VIT: variants seen among roughly 807,000 people sequenced by gnomAD.
The protein encoded by VIT is vitrin.
Under a neutral mutation model 78.0 loss-of-function variants are expected in VIT, and 99 were observed. That is an observed-to-expected ratio of 1.27 (90% CI 1.08 to 1.50). The LOEUF is 1.50. VIT is among the 40% of genes most tolerant of loss of function. The probability of loss-of-function intolerance (pLI) is 0.00; values close to 1 mark genes in which losing one functional copy is unlikely to be tolerated. For synonymous variants in VIT, 374 were observed against 334.3 expected (o/e 1.12, Z -1.29); for missense variants, 1,126 against 875.3 (o/e 1.29, Z -3.61).
chr2:36,776,931 C>T (rs1362980319), intron 9 of VIT, among the ~76,000 whole-genome samples: 306 of 147,576 alleles, frequency 2.1e-3, no homozygotes, highest in African/African-American at 4.0e-3. Flanking sequence ...CTACTAAAAA[C>T]ACAAAAAATT....
chr2:36,720,339 CATTT>C (rs1171373919), intron 2 of VIT, among the ~76,000 whole-genome samples: 1 of 152,120 alleles, frequency 6.6e-6, no homozygotes, highest in Non-Finnish European at 1.5e-5. Context: ...GAAACCCACA[CATTT>C]ATAGTTAACT....
chr2:36,721,342 C>T (rs1380832896), intron 2 of VIT, among the ~76,000 whole-genome samples: 1 of 152,182 alleles, frequency 6.6e-6, no homozygotes, highest in Non-Finnish European at 1.5e-5. Flanking sequence ...CTTGCGTTCA[C>T]ATAGTCCCCT....
chr2:36,785,609 C>G (rs1279750639), intron 11 of VIT, among the ~76,000 whole-genome samples: 4 of 152,106 alleles, frequency 2.6e-5, no homozygotes, highest in Non-Finnish European at 5.9e-5. Context: ...ACAAGGGAAG[C>G]CAGTTGAAAA....
chr2:36,706,194 A>C (rs1432771407), intron 1 of VIT, among the ~76,000 whole-genome samples: 1 of 152,188 alleles, frequency 6.6e-6, no homozygotes, highest in African/African-American at 2.4e-5. Context: ...GCTTGGCTTC[A>C]GGGTTGGCGT....
intron 3 of VIT, among the ~76,000 whole-genome samples, chr2:36,736,747 T>G (rs150146814): frequency 2.0e-5 from 3 of 152,286 alleles, no homozygotes; most frequent in Admixed American, 1.3e-4. Flanking sequence ...CACTCAGAAG[T>G]AGGTTAGAGG....
intron 1 of VIT, among the ~76,000 whole-genome samples, chr2:36,715,178 AC>A (rs1248047791): frequency 6.6e-6 from 1 of 151,878 alleles, no homozygotes; most frequent in Non-Finnish European, 1.5e-5. Context: ...CTCTAGCACT[AC>A]CCCCCACCTA....
At chr2:36,812,861 CTT>C (rs5830441) in intron 15 of VIT, among the ~76,000 whole-genome samples, 118 of 110,238 alleles carry the variant, frequency 1.1e-3, no homozygotes, top group Admixed American at 1.4e-3. Flanking sequence ...TTTTCTTCTT[CTT>C]TTTTTTTTTT....
intron 15 of VIT, among the ~76,000 whole-genome samples, chr2:36,811,047 TC>T (rs1350246327): frequency 1.3e-5 from 2 of 152,200 alleles, no homozygotes; most frequent in Non-Finnish European, 2.9e-5. Flanking sequence ...GTTCCTAGAA[TC>T]CAAAGTAGCC....
At chr2:36,805,320 A>AC (rs1025387677) in intron 13 of VIT, 118 bp from the exon 14 acceptor site, 6 of 1,200,290 alleles carry the variant, frequency 5.0e-6, no homozygotes, top group African/African-American at 3.1e-5. Context: ...AAAAAAAAAA[A>AC]AAAAAAACTA....
intron 11 of VIT, among the ~76,000 whole-genome samples, chr2:36,786,291 T>A (rs1665089828): frequency 1.3e-5 from 2 of 152,208 alleles, no homozygotes; most frequent in Admixed American, 6.5e-5. Context: ...AATAAGAACC[T>A]CTGATCAGCA....
At chr2:36,806,507 T>C (rs936926597) in intron 14 of VIT, among the ~76,000 whole-genome samples, 1 of 152,080 alleles carries the variant, frequency 6.6e-6, no homozygotes, top group African/African-American at 2.4e-5. Flanking sequence ...AGAGGCCCTC[T>C]CCTGCAGGAT....
chr2:36,733,108 T>A (rs1667303378), intron 3 of VIT, among the ~76,000 whole-genome samples: 1 of 152,160 alleles, frequency 6.6e-6, no homozygotes, highest in East Asian at 1.9e-4. Flanking sequence ...GGGAAGTGTC[T>A]TCATGTGGGT....
In VIT at chr2:36,743,243, G is replaced by A. The variant is rs202044807; in HGVS notation, c.262G>A (p.Ala88Thr). 353 of 1,613,724 alleles carry A rather than the reference G, an allele frequency of 2.2e-4. No individual in the cohort carries two copies. The highest frequency in any genetic ancestry group is 3.5e-4 in the Admixed American group (21 of 60,014). Residue 88 changes from alanine to threonine, a missense_variant, in exon 4 of 16, where the codon GCT (alanine) becomes ACT (threonine). Transcript: ENST00000379242. The part of the protein sequence containing the change: ...VYASYSSVCG[A>T]AVHSGVLDNS... ...TGCATCCTACTCCAGTGTGTGTGGC[G>A]CTGCCGTACACAGGTGAGTGGTTCT...
chr2:36,811,119 C>T (rs955415788), intron 15 of VIT, among the ~76,000 whole-genome samples: 2 of 152,262 alleles, frequency 1.3e-5, no homozygotes, highest in South Asian at 4.1e-4. Flanking sequence ...CTGTAGGGCA[C>T]CCTCATAATG....
rs779007040 is a variant in VIT at position 36,767,223 on chromosome 2, C to G, written c.617C>G (p.Ser206Cys). 2 of 1,605,236 alleles carry G rather than the reference C, an allele frequency of 1.2e-6. No homozygotes were observed. Among genetic ancestry groups the G allele is most frequent in the Middle Eastern group, 1.6e-4 (1 of 6,078 alleles). Residue 206 changes from serine (S) to cysteine (C), a missense_variant, in exon 7 of 16, where the codon TCT becomes TGT. Coordinates refer to ENST00000379242, the MANE Select transcript of VIT (RefSeq NM_053276.4). Reference protein sequence around the residue: ...TPTTLPRPSPSAASTTSIPRP... With the variant: ...TPTTLPRPSPCAASTTSIPRP... ...ACCACCTTGCCAAGGCCATCCCCTT[C>G]TGCTGCTTCTACCACCAGCATCCCC...
chr2:36,764,044 T>C (rs1487974000), intron 6 of VIT, among the ~76,000 whole-genome samples: 1 of 152,240 alleles, frequency 6.6e-6, no homozygotes, highest in Non-Finnish European at 1.5e-5. Context: ...AGCCTTTCTT[T>C]AGCAAATCAA....
Position 36,773,678 on chromosome 2 carries a change from C to T in VIT, c.680-113C>T, listed in dbSNP as rs538458600. The T allele has an allele frequency of 1.5e-4, 133 of 902,322 alleles. No homozygotes were observed. The South Asian group carries it at 3.1e-3, about 21-fold the overall frequency. 55.9% of individuals were successfully genotyped at this position (902,322 alleles called of 1,614,324 possible). On this transcript the variant is annotated intron_variant, in intron 7 of 15. Coordinates refer to ENST00000379242, the MANE Select transcript of VIT (RefSeq NM_053276.4). ...CCCGGAGGTTGCAGTGAGCTGAGAT[C>T]GCACCACTGCACTCCAGCTCTGGGC...
At chr2:36,719,461 C>T (rs942617090) in intron 2 of VIT, among the ~76,000 whole-genome samples, 1 of 152,042 alleles carries the variant, frequency 6.6e-6, no homozygotes, top group African/African-American at 2.4e-5. Flanking sequence ...CCTGTTAGAA[C>T]TAACAAATGA....
chr2:36,805,694 A>G (rs1471810767), intron 14 of VIT, 30 bp downstream of exon 14: 4 of 1,593,864 alleles, frequency 2.5e-6, no homozygotes, highest in African/African-American at 1.3e-5. Flanking sequence ...CCTACCCAAC[A>G]TCAGGATTTT....
Sources: gnomAD v4.1 joint callset for allele counts (sites outside exome capture counted in the v4.1 genomes callset) on GRCh38, gnomAD v4.1.1 for gene constraint, MANE v1.5 for transcripts, NCBI Gene and HGNC (gene_info 2026-07-23, HGNC 2026-07-21) for gene names.